Variants in GPATCH2 observed in about 807,000 individuals in gnomAD.
GPATCH2 encodes the protein G-patch domain containing 2, also known as G patch domain-containing protein 2.
Under a neutral mutation model 58.0 loss-of-function variants are expected in GPATCH2, and 51 were observed. That is an observed-to-expected ratio of 0.88 (90% CI 0.70 to 1.11). The LOEUF is 1.11. GPATCH2 is among the 50% of genes most tolerant of loss of function. The pLI, the probability that GPATCH2 is intolerant of heterozygous loss-of-function variation, is 0.00. For synonymous variants in GPATCH2, 222 were observed against 218.5 expected (o/e 1.02, Z -0.14); for missense variants, 625 against 652.2 (o/e 0.96, Z 0.45).
At chr1:217,620,677 T>C (rs972680139) in intron 1 of GPATCH2, among the ~76,000 whole-genome samples, 178 bp from the exon 2 acceptor site, 2 of 152,256 alleles carry the variant, frequency 1.3e-5, no homozygotes, top group East Asian at 1.9e-4. Context: ...TTAGGCCTCT[T>C]CTTATATAAG....
At chr1:217,560,304 C>T (rs1665859860) in intron 5 of GPATCH2, among the ~76,000 whole-genome samples, 1 of 152,184 alleles carries the variant, frequency 6.6e-6, no homozygotes, top group South Asian at 2.1e-4. Context: ...TATCCTATTC[C>T]TTGTATGTTA....
rs537931617 is a variant in GPATCH2, at chr1:217,586,606, G to T, written c.1098+23715C>A. ...TTTTACGGTTACATTTTTGAAGGAG[G>T]ATACTCTAAAATGATGATTAAAAGT... On this transcript the variant is annotated intron_variant, in intron 5 of 9. Transcript: ENST00000366935. 3.7e-4 allele frequency among the ~76,000 whole-genome samples: 56 copies of T among 152,184 alleles called. 1 individual carries two copies. The Middle Eastern group carries it at 0.01, about 28-fold the overall frequency.
chr1:217,542,533 G>A (rs573498251), intron 5 of GPATCH2, among the ~76,000 whole-genome samples: 84 of 152,274 alleles, frequency 5.5e-4, no homozygotes, highest in Non-Finnish European at 9.7e-4. Flanking sequence ...GGAGCCCTCC[G>A]TCTCTGGAAG....
intron 8 of GPATCH2, among the ~76,000 whole-genome samples, chr1:217,487,020 A>G (rs1372182631): frequency 6.6e-6 from 1 of 152,218 alleles, no homozygotes; most frequent in African/African-American, 2.4e-5. Flanking sequence ...CAGTTCTCCC[A>G]AGGCAATGGC....
At chr1:217,520,125 G>GA (rs1271805985) in intron 5 of GPATCH2, among the ~76,000 whole-genome samples, 1 of 152,076 alleles carries the variant, frequency 6.6e-6, no homozygotes, top group Non-Finnish European at 1.5e-5. Context: ...TACAAGAAAT[G>GA]AAAAAATTGG....
chr1:217,501,410 T>C (rs1662296754), intron 6 of GPATCH2, among the ~76,000 whole-genome samples: 1 of 152,082 alleles, frequency 6.6e-6, no homozygotes, highest in East Asian at 1.9e-4. Context: ...TTAACCTTAG[T>C]GTAGAGGTTT....
intron 8 of GPATCH2, among the ~76,000 whole-genome samples, chr1:217,477,705 A>G (rs1287533730): frequency 6.6e-6 from 1 of 152,078 alleles, no homozygotes; most frequent in African/African-American, 2.4e-5. Flanking sequence ...AAGGACTGCA[A>G]CTACTGGTGT....
At position 217,544,474 on chromosome 1, in the gene GPATCH2, A is replaced by T. The variant is rs532406185; in HGVS notation, c.1099-29585T>A. Among the ~76,000 whole-genome samples, 4 of 152,330 alleles carry T rather than the reference A, an allele frequency of 2.6e-5. 1 individual carries two copies. In the South Asian group the frequency reaches 8.3e-4, roughly 32 times the overall value. ...ACCCAGAGGCCAACATTCTTTTAAA[A>T]AAAAAGTTTAATTCCCTTTGTCAGC... On this transcript the variant is annotated intron_variant, in intron 5 of 9. Transcript: ENST00000366935.
At chr1:217,557,117 G>A (rs987861188) in intron 5 of GPATCH2, among the ~76,000 whole-genome samples, 1 of 152,106 alleles carries the variant, frequency 6.6e-6, no homozygotes, top group Non-Finnish European at 1.5e-5. Flanking sequence ...TTTTAAAAAT[G>A]TCAAGTTGGC....
At position 217,471,663 on chromosome 1, in the gene GPATCH2, A is replaced by G. The variant is rs147491563; in HGVS notation, c.1277+20017T>C. On this transcript the variant is annotated intron_variant, in intron 8 of 9. Coordinates refer to ENST00000366935, the MANE Select transcript of GPATCH2 (RefSeq NM_018040.5). Reference sequence around the variant, plus strand: ...TCTAACTTGATGGAAGAGGGCTGACATGAATGTGATGAGATCTGTTTTGTT... The same window carrying G: ...TCTAACTTGATGGAAGAGGGCTGACGTGAATGTGATGAGATCTGTTTTGTT... Among the ~76,000 whole-genome samples, 421 of 152,332 alleles carry G rather than the reference A, an allele frequency of 2.8e-3. 4 individuals carry two copies. Among genetic ancestry groups the G allele is most frequent in the African/African-American group, 9.0e-3 (375 of 41,574 alleles).
At chr1:217,458,181 G>A (rs907640078) in intron 8 of GPATCH2, among the ~76,000 whole-genome samples, 1 of 152,160 alleles carries the variant, frequency 6.6e-6, no homozygotes, top group African/African-American at 2.4e-5. Flanking sequence ...AGTGAGCCGA[G>A]ATCGCGCCAC....
intron 7 of GPATCH2, among the ~76,000 whole-genome samples, chr1:217,495,231 A>G (rs1365621182): frequency 6.6e-6 from 1 of 152,134 alleles, no homozygotes; most frequent in Admixed American, 6.6e-5. Context: ...AGGAACTAAG[A>G]GTTTCTGTGG....
At chr1:217,539,896 A>G (rs1344839384) in intron 5 of GPATCH2, among the ~76,000 whole-genome samples, 2 of 86,878 alleles carry the variant, frequency 2.3e-5, no homozygotes, top group African/African-American at 3.3e-5. Flanking sequence ...TGTATTTATA[A>G]AAAAACTTAA....
chr1:217,596,430 T>G (rs1482257804), intron 5 of GPATCH2, among the ~76,000 whole-genome samples: 2 of 152,194 alleles, frequency 1.3e-5, no homozygotes, highest in African/African-American at 4.8e-5. Flanking sequence ...TTTAAGGCAT[T>G]TGTCCCTCAG....
At chr1:217,537,299 C>T (rs947364313) in intron 5 of GPATCH2, among the ~76,000 whole-genome samples, 2 of 152,216 alleles carry the variant, frequency 1.3e-5, no homozygotes, top group Admixed American at 1.3e-4. Context: ...CTTGACAATA[C>T]AGTCTGTTTC....
intron 5 of GPATCH2, among the ~76,000 whole-genome samples, chr1:217,585,516 A>T (rs1046573207): frequency 9.2e-5 from 14 of 152,130 alleles, no homozygotes; most frequent in African/African-American, 3.4e-4. Flanking sequence ...GCTACTCGGT[A>T]GGCTGAGGCA....
At position 217,549,136 on chromosome 1, in the gene GPATCH2, T is replaced by C. The variant is rs182780061; in HGVS notation, c.1099-34247A>G. On this transcript the variant is annotated intron_variant, in intron 5 of 9. Coordinates refer to ENST00000366935, the MANE Select transcript of GPATCH2 (RefSeq NM_018040.5). Reference sequence around the variant, plus strand: ...CATTCTTTTCAAAATAGTTAAGTTTTGGCAGCTCTCATTTAAGGCCACAGC... The same window carrying C: ...CATTCTTTTCAAAATAGTTAAGTTTCGGCAGCTCTCATTTAAGGCCACAGC... Among the ~76,000 whole-genome samples the C allele has an allele frequency of 3.8e-3, 580 of 152,304 alleles. 5 individuals are homozygous for C. Among genetic ancestry groups the C allele is most frequent in the Middle Eastern group, 0.014 (4 of 294 alleles).
intron 5 of GPATCH2, among the ~76,000 whole-genome samples, chr1:217,534,306 C>A (rs746325155): frequency 2.6e-5 from 4 of 152,092 alleles, no homozygotes; most frequent in Admixed American, 1.3e-4. Context: ...CACTTTATGC[C>A]ACCCACATTT....
intron 6 of GPATCH2, among the ~76,000 whole-genome samples, chr1:217,511,956 C>T (rs573220278): frequency 2.7e-4 from 41 of 152,194 alleles, no homozygotes; most frequent in Admixed American, 1.3e-4. Flanking sequence ...GGACCTCCCC[C>T]ACATTGGCTC....
Sources: allele counts gnomAD v4.1 joint callset (sites outside exome capture counted in the v4.1 genomes callset), GRCh38; gene constraint gnomAD v4.1.1; transcripts MANE v1.5; gene names NCBI Gene and HGNC (gene_info 2026-07-23, HGNC 2026-07-21).